Variants in PTPN4 observed in about 807,000 individuals in gnomAD.
PTPN4 encodes tyrosine-protein phosphatase non-receptor type 4.
PTPN4 carries 49 observed loss-of-function variants against 135.5 expected under a neutral mutation model. The observed-to-expected ratio is 0.36, with a 90% CI of 0.29 to 0.46. The LOEUF is 0.46. Among genes scored for constraint, PTPN4 ranks in the 20% least tolerant of loss-of-function variants. The pLI, the probability that PTPN4 is intolerant of heterozygous loss-of-function variation, is 1.00. For synonymous variants in PTPN4, 333 were observed against 369.9 expected (o/e 0.90, Z 1.14); for missense variants, 860 against 1,101.0 (o/e 0.78, Z 3.10).
At chr2:119,929,267 A>G (rs908700692) in intron 13 of PTPN4, among the ~76,000 whole-genome samples, 9 of 152,024 alleles carry the variant, frequency 5.9e-5, no homozygotes, top group Admixed American at 5.9e-4. Context: ...TAATGAACAG[A>G]TATATGTCTA....
intron 2 of PTPN4, among the ~76,000 whole-genome samples, chr2:119,838,875 A>T (rs1677337617): frequency 6.6e-6 from 1 of 152,202 alleles, no homozygotes; most frequent in Admixed American, 6.5e-5. Flanking sequence ...TGATTGTTTT[A>T]TTTAACAGCC....
chr2:119,972,788 C>T (rs1401959584), intron 26 of PTPN4, among the ~76,000 whole-genome samples: 1 of 152,018 alleles, frequency 6.6e-6, no homozygotes, highest in Non-Finnish European at 1.5e-5. Flanking sequence ...TTGTTAAGTG[C>T]TTTTCCTGCA....
chr2:119,868,550 TA>T (rs1164088635), intron 3 of PTPN4, among the ~76,000 whole-genome samples: 2 of 152,196 alleles, frequency 1.3e-5, no homozygotes, highest in African/African-American at 4.8e-5. Context: ...ATGTTGGCCA[TA>T]ATGCCCACGT....
At chr2:119,829,336 A>C (rs552216800) in intron 2 of PTPN4, among the ~76,000 whole-genome samples, 1 of 152,260 alleles carries the variant, frequency 6.6e-6, no homozygotes, top group Non-Finnish European at 1.5e-5. Context: ...TAAAATACAT[A>C]TAACGAAATT....
At chr2:119,778,614 A>G (rs1690881955) in intron 1 of PTPN4, among the ~76,000 whole-genome samples, 1 of 152,228 alleles carries the variant, frequency 6.6e-6, no homozygotes, top group South Asian at 2.1e-4. Context: ...GCTGAAATGT[A>G]TAAATAGGAT....
At chr2:119,795,455 C>A (rs1054298238) in intron 1 of PTPN4, among the ~76,000 whole-genome samples, 1 of 152,252 alleles carries the variant, frequency 6.6e-6, no homozygotes. Context: ...TGCTCGTTGG[C>A]ACCCAAAGTC....
rs752306131 is a variant in PTPN4, at chr2:119,983,053, T to C, written c.*5983T>C. Reference sequence around the variant, plus strand: ...GGACTTCATTATTTTTATTTCTCTTTCCACGTCTCCAACTTTTTAAAAATC... The same window carrying C: ...GGACTTCATTATTTTTATTTCTCTTCCCACGTCTCCAACTTTTTAAAAATC... On this transcript the variant is annotated 3_prime_UTR_variant, in exon 27 of 27. Coordinates refer to ENST00000263708, the MANE Select transcript of PTPN4 (RefSeq NM_002830.4). 6.6e-6 allele frequency: 1 copy of C among 152,318 alleles called. No individual in the cohort carries two copies. The highest frequency in any genetic ancestry group is 1.9e-4 in the East Asian group (1 of 5,190). 9.4% of individuals were successfully genotyped at this position (152,318 alleles called of 1,614,324 possible). A position where few individuals can be genotyped will look rare whatever the true frequency, so the allele number is the denominator to read the frequency against.
intron 15 of PTPN4, among the ~76,000 whole-genome samples, chr2:119,940,015 T>A (rs1438132045): frequency 1.3e-5 from 2 of 152,230 alleles, no homozygotes; most frequent in Non-Finnish European, 2.9e-5. Context: ...TATGCTTACC[T>A]ACCATTCATC....
At chr2:119,840,698 C>G (rs1360799252) in intron 2 of PTPN4, among the ~76,000 whole-genome samples, 1 of 152,206 alleles carries the variant, frequency 6.6e-6, no homozygotes, top group African/African-American at 2.4e-5. Context: ...AATTTACACT[C>G]CCACCAACAG....
intron 1 of PTPN4, among the ~76,000 whole-genome samples, chr2:119,778,551 G>A (rs992026222): frequency 3.3e-5 from 5 of 152,064 alleles, no homozygotes; most frequent in Non-Finnish European, 7.4e-5. Flanking sequence ...AACTCTGTAG[G>A]GCCTTAGTGG....
Position 119,967,876 on chromosome 2 carries a change from A to G in PTPN4, c.2598A>G (p.Glu866=). The stretch of plus-strand genomic sequence containing the variant: ...GAACTGGGGTTCTTATTACTATGGA[A>G]ACAGCCATGTGTCTCATTGAATGCA... ...IGRTGVLITM[E]TAMCLIECNQ... Residue 866 remains glutamate (E), a synonymous_variant, in exon 26 of 27, where the codon GAA becomes GAG. Transcript: ENST00000263708. The G allele has an allele frequency of 6.2e-7, 1 of 1,611,374 alleles. No individual in the cohort carries two copies. Among genetic ancestry groups the G allele is most frequent in the Non-Finnish European group, 8.5e-7 (1 of 1,178,244 alleles).
At chr2:119,827,460 A>G (rs1355373085) in intron 2 of PTPN4, among the ~76,000 whole-genome samples, 1 of 152,220 alleles carries the variant, frequency 6.6e-6, no homozygotes, top group Non-Finnish European at 1.5e-5. Context: ...TTGGTCAAAC[A>G]AAAACTTCTT....
chr2:119,781,015 T>C (rs551348596), intron 1 of PTPN4, among the ~76,000 whole-genome samples: 33 of 152,342 alleles, frequency 2.2e-4, no homozygotes, highest in African/African-American at 6.3e-4. Flanking sequence ...TCTGGACTTA[T>C]GGATTTTTAT....
At chr2:119,871,792 C>T (rs1248710883) in intron 3 of PTPN4, among the ~76,000 whole-genome samples, 3 of 152,014 alleles carry the variant, frequency 2.0e-5, no homozygotes, top group Non-Finnish European at 2.9e-5. Context: ...AAAGGATAAA[C>T]GATCATTCAT....
chr2:119,889,887 A>G (rs920286580), intron 9 of PTPN4, among the ~76,000 whole-genome samples: 1 of 152,208 alleles, frequency 6.6e-6, no homozygotes, highest in African/African-American at 2.4e-5. Flanking sequence ...ATGGTCATTT[A>G]GAAGCATGTT....
At chr2:119,847,258 A>G (rs1382595998) in intron 2 of PTPN4, among the ~76,000 whole-genome samples, 1 of 147,108 alleles carries the variant, frequency 6.8e-6, no homozygotes, top group Non-Finnish European at 1.5e-5. Flanking sequence ...GTTAAGAAAA[A>G]AAGGAGATAC....
At chr2:119,952,981 T>C (rs1000878356) in intron 19 of PTPN4, among the ~76,000 whole-genome samples, 7 of 152,334 alleles carry the variant, frequency 4.6e-5, no homozygotes, top group African/African-American at 1.7e-4. Flanking sequence ...CTATGCATTA[T>C]AAGTTTAACC....
At chr2:119,957,389 G>A (rs1270329809) in intron 22 of PTPN4, among the ~76,000 whole-genome samples, 1 of 152,086 alleles carries the variant, frequency 6.6e-6, no homozygotes, top group African/African-American at 2.4e-5. Context: ...TCTAGAACAG[G>A]AGCCCCCAAC....
At chr2:119,763,139 A>G (rs991967882) in intron 1 of PTPN4, among the ~76,000 whole-genome samples, 1 of 152,132 alleles carries the variant, frequency 6.6e-6, no homozygotes, top group Non-Finnish European at 1.5e-5. Flanking sequence ...AATGGGGAAA[A>G]AGAGGAGGGG....
Sources: allele counts gnomAD v4.1 joint callset (sites outside exome capture counted in the v4.1 genomes callset), GRCh38; gene constraint gnomAD v4.1.1; transcripts MANE v1.5; gene names NCBI Gene and HGNC (gene_info 2026-07-23, HGNC 2026-07-21).